The following NAA50 variants were observed in gnomAD, a reference collection of about 807,000 sequenced individuals.
NAA50 encodes the protein N-alpha-acetyltransferase 50.
In NAA50, 7 loss-of-function variants were observed where a neutral mutation model predicts 20.7. That is an observed-to-expected ratio of 0.34 (90% CI 0.19 to 0.63). The LOEUF (loss-of-function observed/expected upper bound fraction) is 0.63, where lower values mean the gene tolerates loss of function less well. NAA50 is among the 30% of genes least tolerant of loss of function. NAA50 has a pLI of 0.75. For missense variants in NAA50, 111 were observed against 199.1 expected (o/e 0.56, Z 2.66); for synonymous variants, 54 against 70.6 (o/e 0.77, Z 1.18).
chr3:113,729,305 A>G (rs540403002), intron 1 of NAA50, among the ~76,000 whole-genome samples: 4 of 152,056 alleles, frequency 2.6e-5, no homozygotes, highest in Non-Finnish European at 5.9e-5. Flanking sequence ...AATATTCTTG[A>G]TATGTTTTCT....
chr3:113,743,724 GAAGT>G (rs1472094306), intron 1 of NAA50, among the ~76,000 whole-genome samples: 1 of 152,146 alleles, frequency 6.6e-6, no homozygotes, highest in East Asian at 1.9e-4. Context: ...CCAATCATAA[GAAGT>G]AATAGGAACT....
chr3:113,743,107 G>A (rs1476946077), intron 1 of NAA50, among the ~76,000 whole-genome samples: 2 of 151,972 alleles, frequency 1.3e-5, no homozygotes, highest in Non-Finnish European at 2.9e-5. Flanking sequence ...GTTAATAACC[G>A]GAAATTTATC....
rs939844520 is a variant in NAA50 at position 113,720,990 on chromosome 3, A to C, written c.*770T>G. 2.0e-5 allele frequency: 3 copies of C among 152,560 alleles called. No individual in the cohort carries two copies. Among genetic ancestry groups the C allele is most frequent in the African/African-American group, 7.2e-5 (3 of 41,434 alleles). The allele number at this position is 152,560 out of a possible 1,614,324, so 9.5% of individuals were successfully genotyped here. A position where few individuals can be genotyped will look rare whatever the true frequency, so the allele number is the denominator to read the frequency against. The stretch of plus-strand genomic sequence containing the variant: ...TAGGTCAGTTAAAGGCCATATCTCT[A>C]GCTGGGATATTAAAAAAAATTAATC... On this transcript the variant is annotated 3_prime_UTR_variant, in exon 5 of 5. Coordinates refer to ENST00000240922, the MANE Select transcript of NAA50 (RefSeq NM_025146.4).
At chr3:113,727,713 T>C (rs1284452488) in intron 1 of NAA50, among the ~76,000 whole-genome samples, 1 of 152,100 alleles carries the variant, frequency 6.6e-6, no homozygotes, top group Non-Finnish European at 1.5e-5. Context: ...ATAAGTTTGC[T>C]GATAGTCTTC....
At chr3:113,724,770 C>T (rs568328427) in intron 1 of NAA50, among the ~76,000 whole-genome samples, 2 of 152,160 alleles carry the variant, frequency 1.3e-5, no homozygotes, top group East Asian at 1.9e-4. Flanking sequence ...AGGGACCCGG[C>T]GAATCATGGG....
In NAA50 at chr3:113,721,793, AC is replaced by A. The variant is rs1271154249; in HGVS notation, c.476del (p.Gly159ValfsTer32). The A allele has an allele frequency of 6.2e-7, 1 of 1,613,912 alleles. No individual in the cohort carries two copies. Among genetic ancestry groups the A allele is most frequent in the South Asian group, 1.1e-5 (1 of 91,070 alleles). Reference sequence around the variant, plus strand: ...CTGTCTTTTGCACATCTGCATTCTGACCAGAAGGAACTTTGAGGTTTTTCTG... The same window carrying A: ...CTGTCTTTTGCACATCTGCATTCTGACAGAAGGAACTTTGAGGTTTTTCTG... ...VLQKNLKVPS[G>X]QNADVQKTDN On this transcript the variant is annotated frameshift_variant, in exon 5 of 5. Transcript: ENST00000240922. LOFTEE classifies it high-confidence loss of function.
chr3:113,725,410 T>C (rs1708187610), intron 1 of NAA50, among the ~76,000 whole-genome samples: 1 of 152,172 alleles, frequency 6.6e-6, no homozygotes, highest in Non-Finnish European at 1.5e-5. Flanking sequence ...TAGTAGAAAT[T>C]GTAATTTTAA....
rs982567370 is a variant in NAA50, at chr3:113,719,730, G to T, written c.*2030C>A. On this transcript the variant is annotated 3_prime_UTR_variant, in exon 5 of 5. Transcript: ENST00000240922. ...TCCTTAAATAACATGTACTTGTCAT[G>T]AGGCAGCTATTAGGTTTTCAATAAC... 6 of 152,568 alleles carry T rather than the reference G, an allele frequency of 3.9e-5. No individual in the cohort carries two copies. Among genetic ancestry groups the T allele is most frequent in the African/African-American group, 1.4e-4 (6 of 41,426 alleles). 9.5% of individuals were successfully genotyped at this position (152,568 alleles called of 1,614,324 possible).
intron 1 of NAA50, chr3:113,739,709 C>T (rs1708387763): frequency 6.6e-6 from 1 of 152,220 alleles, no homozygotes; most frequent in African/African-American, 2.4e-5. Flanking sequence ...CAAAATCCTT[C>T]AACACAGAGG....
At chr3:113,722,869 C>A (rs112179629) in intron 4 of NAA50, 37 bp downstream of exon 4, 3 of 1,483,932 alleles carry the variant, frequency 2.0e-6, no homozygotes, top group Non-Finnish European at 2.7e-6. Flanking sequence ...GCCAATTAAA[C>A]CCCTTTGATA....
chr3:113,721,399 T>C lies in NAA50; in HGVS notation c.*361A>G, dbSNP rs902228560. ...ATACTGCTGCTGCTTCTTTTTGTCT[T>C]TTGAAATATACAATGTTTTGTAGGC... On this transcript the variant is annotated 3_prime_UTR_variant, in exon 5 of 5. Transcript: ENST00000240922. The C allele has an allele frequency of 4.3e-6, 1 of 230,690 alleles. No individual in the cohort carries two copies. Among genetic ancestry groups the C allele is most frequent in the African/African-American group, 2.4e-5 (1 of 42,460 alleles). The allele number at this position is 230,690 out of a possible 1,614,324, so 14.3% of individuals were successfully genotyped here.
chr3:113,742,542 G>A (rs1708432573), intron 1 of NAA50, among the ~76,000 whole-genome samples: 1 of 151,604 alleles, frequency 6.6e-6, no homozygotes, highest in Non-Finnish European at 1.5e-5. Context: ...TCTCCTGGCT[G>A]CTTTATTGTT....
rs879168317 is a variant in NAA50, at chr3:113,746,155, G to A, written c.-206C>T. On this transcript the variant is annotated 5_prime_UTR_variant, in exon 1 of 5. Transcript: ENST00000240922. ...GGGCGGGAGTGTCTCCCGCCGCCGC[G>A]CTTGTGCCGCCGCTTCTCCACACGT... 153 of 574,750 alleles carry A rather than the reference G, an allele frequency of 2.7e-4. 3 individuals carry two copies. Among genetic ancestry groups the A allele is most frequent in the South Asian group, 2.4e-3 (108 of 45,194 alleles). The allele number at this position is 574,750 out of a possible 1,614,324, so 35.6% of individuals were successfully genotyped here.
At chr3:113,722,276 A>G (rs1708145021) in intron 4 of NAA50, among the ~76,000 whole-genome samples, 1 of 152,178 alleles carries the variant, frequency 6.6e-6, no homozygotes, top group Admixed American at 6.5e-5. Context: ...GATGAAAAAT[A>G]AAAAACTAGG....
chr3:113,723,306 A>G (rs1708159149), intron 3 of NAA50, 116 bp downstream of exon 3: 2 of 992,964 alleles, frequency 2.0e-6, no homozygotes, highest in Admixed American at 2.8e-5. Context: ...TACATAATTC[A>G]GTAACCCTTT....
intron 1 of NAA50, among the ~76,000 whole-genome samples, chr3:113,729,728 T>C (rs567566069): frequency 5.3e-5 from 8 of 151,984 alleles, no homozygotes; most frequent in Admixed American, 3.3e-4. Flanking sequence ...TGTTTTGTTT[T>C]TGTATTTTTG....
At chr3:113,730,169 C>T (rs377467566) in intron 1 of NAA50, among the ~76,000 whole-genome samples, 45 of 152,074 alleles carry the variant, frequency 3.0e-4, no homozygotes, top group African/African-American at 9.4e-4. Context: ...GGTGTGGTGG[C>T]GCGTGCCTTT....
At position 113,720,360 on chromosome 3, in the gene NAA50, A is replaced by G. The variant is rs1490800463; in HGVS notation, c.*1400T>C. 1 of 152,542 alleles carries G rather than the reference A, an allele frequency of 6.6e-6. No homozygotes were observed. Among genetic ancestry groups the G allele is most frequent in the East Asian group, 1.9e-4 (1 of 5,208 alleles). 9.4% of individuals were successfully genotyped at this position (152,542 alleles called of 1,614,324 possible). A position where few individuals can be genotyped will look rare whatever the true frequency, so the allele number is the denominator to read the frequency against. On this transcript the variant is annotated 3_prime_UTR_variant, in exon 5 of 5. Transcript: ENST00000240922. The stretch of plus-strand genomic sequence containing the variant: ...AAGCTCAAGCCCTGTGCATTATTTT[A>G]AAGTCTGAGAACATTTCTAAATAGT...
rs1708105276 is a variant in NAA50 at position 113,719,435 on chromosome 3, A to G, written c.*2325T>C. On this transcript the variant is annotated 3_prime_UTR_variant, in exon 5 of 5. Coordinates refer to ENST00000240922, the MANE Select transcript of NAA50 (RefSeq NM_025146.4). ...TTCTACTTCAAAGATAATTATTATC[A>G]TATATCAAAATAACCAGCTCAACAT... 1 of 151,408 alleles carries G rather than the reference A, an allele frequency of 6.6e-6. No individual in the cohort carries two copies. Among genetic ancestry groups the G allele is most frequent in the Non-Finnish European group, 1.5e-5 (1 of 68,016 alleles). 9.4% of individuals were successfully genotyped at this position (151,408 alleles called of 1,614,324 possible).
Sources: gnomAD v4.1 joint callset for allele counts (sites outside exome capture counted in the v4.1 genomes callset) on GRCh38, gnomAD v4.1.1 for gene constraint, MANE v1.5 for transcripts, NCBI Gene and HGNC (gene_info 2026-07-23, HGNC 2026-07-21) for gene names.